Variants in SDHA observed in about 807,000 individuals in gnomAD.
SDHA encodes succinate dehydrogenase [ubiquinone] flavoprotein subunit, mitochondrial.
In SDHA, 48 loss-of-function variants were observed where a neutral mutation model predicts 78.4. The observed-to-expected ratio is 0.61, with a 90% CI of 0.49 to 0.78. SDHA has a LOEUF of 0.78. Ranked by LOEUF, SDHA falls within the 30% of genes least tolerant of loss-of-function variation. The pLI is 0.00. For missense variants in SDHA, 680 were observed against 892.7 expected, an observed-to-expected ratio of 0.76 and a Z score of 3.04; for synonymous variants, 326 against 353.9, an observed-to-expected ratio of 0.92 and a Z score of 0.88.
At chr5:236,027 C>T (rs6873678) in intron 9 of SDHA, 46,661 of 285,748 alleles carry the variant, frequency 0.16, 7,202 homozygotes, top group African/African-American at 0.52. Flanking sequence ...TTACTTCCCT[C>T]TCTTTTTTTT....
the SDHA span, among the ~76,000 whole-genome samples, chr5:268,242 G>A: frequency 1.3e-5 from 2 of 151,388 alleles, no homozygotes; most frequent in African/African-American, 4.9e-5. Context: ...GGAGTGCCTG[G>A]TGCAATCTCG....
At chr5:219,481 T>C (rs1032227266) in intron 1 of SDHA, among the ~76,000 whole-genome samples, 2 of 152,250 alleles carry the variant, frequency 1.3e-5, no homozygotes, top group African/African-American at 2.4e-5. Flanking sequence ...TTGATTTGAA[T>C]TATGCCTGTA....
At chr5:266,193 C>A in the SDHA span, among the ~76,000 whole-genome samples, 37 of 152,352 alleles carry the variant, frequency 2.4e-4, 1 homozygote, top group South Asian at 7.2e-3. Context: ...CAGGTGGCAA[C>A]CTCAGGCAGC....
At chr5:247,440 T>C (rs1401107231) in intron 11 of SDHA, among the ~76,000 whole-genome samples, 1 of 152,250 alleles carries the variant, frequency 6.6e-6, no homozygotes, top group Admixed American at 6.5e-5. Context: ...TACTGCAATA[T>C]CTAATGCTAG....
At chr5:228,725 A>G (rs1213012886) in intron 6 of SDHA, among the ~76,000 whole-genome samples, 1 of 152,360 alleles carries the variant, frequency 6.6e-6, no homozygotes, top group East Asian at 1.9e-4. Context: ...CCACATGATG[A>G]AAATAAGTAA....
chr5:229,958 A>G (rs1373416332), intron 6 of SDHA, among the ~76,000 whole-genome samples: 2 of 149,834 alleles, frequency 1.3e-5, no homozygotes, highest in African/African-American at 5.1e-5. Context: ...CATGGTGGCT[A>G]TCGTTAATAT....
At position 249,158 on chromosome 5, in the gene SDHA, A is replaced by G. The variant is rs540297985; in HGVS notation, c.1552-1834A>G. On this transcript the variant is annotated intron_variant, in intron 11 of 14. Coordinates refer to ENST00000264932, the MANE Select transcript of SDHA (RefSeq NM_004168.4). Reference sequence around the variant, plus strand: ...ACAGATTAGCAGCTGGTAATCCATTAAAATGGATAAAAACACTTGGAAGCT... The same window carrying G: ...ACAGATTAGCAGCTGGTAATCCATTGAAATGGATAAAAACACTTGGAAGCT... 3.4e-5 allele frequency: 13 copies of G among 383,580 alleles called. 1 individual carries two copies. Among genetic ancestry groups the G allele is most frequent in the South Asian group, 2.5e-4 (13 of 52,818 alleles). The allele number at this position is 383,580 out of a possible 1,614,324, so 23.8% of individuals were successfully genotyped here.
At chr5:247,271 A>G (rs1189246011) in intron 11 of SDHA, among the ~76,000 whole-genome samples, 1 of 152,246 alleles carries the variant, frequency 6.6e-6, no homozygotes, top group East Asian at 1.9e-4. Flanking sequence ...ATGCTGAGTT[A>G]CGATTTCATA....
At chr5:248,618 C>T (rs978557986) in intron 11 of SDHA, among the ~76,000 whole-genome samples, 25 of 152,020 alleles carry the variant, frequency 1.6e-4, no homozygotes, top group African/African-American at 5.3e-4. Flanking sequence ...TGAGGCATAC[C>T]GCCCTCAAAA....
chr5:238,216 G>T (rs572031231), intron 10 of SDHA, among the ~76,000 whole-genome samples: 2 of 152,194 alleles, frequency 1.3e-5, no homozygotes, highest in South Asian at 4.1e-4. Flanking sequence ...GGGAAGACAA[G>T]GGATTGGTGG....
intron 7 of SDHA, 112 bp from the exon 8 acceptor site, chr5:233,365 C>A: frequency 1.8e-6 from 2 of 1,129,276 alleles, no homozygotes; most frequent in Non-Finnish European, 2.7e-6. Flanking sequence ...GCACATAATG[C>A]CTTCTGCTTA....
chr5:256,291 G>A (rs1268418227), intron 14 of SDHA, 43 bp from the exon 15 acceptor site: 5 of 1,439,792 alleles, frequency 3.5e-6, no homozygotes, highest in Non-Finnish European at 2.9e-6. Context: ...ATGGCTTTTT[G>A]TACATTTTTG....
At chr5:223,794 GATTTAA>G (rs3217327) in intron 2 of SDHA, among the ~76,000 whole-genome samples, 36,482 of 152,006 alleles carry the variant, frequency 0.24, 6,814 homozygotes, top group African/African-American at 0.52. Flanking sequence ...CTATAAACTA[GATTTAA>G]ATTTAGATCA....
At chr5:218,551 C>T (rs2126523668) in intron 1 of SDHA, 133 bp downstream of exon 1, 2 of 685,768 alleles carry the variant, frequency 2.9e-6, no homozygotes, top group South Asian at 3.5e-5. Context: ...CGGGAAGGGG[C>T]TGAGAGAGCC....
chr5:229,490 C>T (rs762894700), intron 6 of SDHA, among the ~76,000 whole-genome samples: 9 of 152,146 alleles, frequency 5.9e-5, no homozygotes, highest in East Asian at 5.8e-4. Context: ...TTAAGTGAAA[C>T]GAGCCAGGCA....
chr5:254,670 G>A (rs1737066759), intron 14 of SDHA, among the ~76,000 whole-genome samples, 164 bp downstream of exon 14: 1 of 152,198 alleles, frequency 6.6e-6, no homozygotes, highest in African/African-American at 2.4e-5. Flanking sequence ...CAGCAGTCGG[G>A]CTTCGGGCTG....
At chr5:220,719 G>T (rs1242116422) in intron 1 of SDHA, among the ~76,000 whole-genome samples, 1 of 152,054 alleles carries the variant, frequency 6.6e-6, no homozygotes, top group African/African-American at 2.4e-5. Context: ...TTTCCGTGGG[G>T]TTAGTGAGGA....
At chr5:218,464 C>G (rs2126523253) in intron 1 of SDHA, 46 bp downstream of exon 1, 1 of 1,325,442 alleles carries the variant, frequency 7.5e-7, no homozygotes, top group Non-Finnish European at 9.7e-7. Context: ...GGGGCCGAGG[C>G]GGCGGTAGGA....
chr5:235,460 ATTG>A, intron 9 of SDHA, 121 bp downstream of exon 9: 1 of 994,562 alleles, frequency 1.0e-6, no homozygotes, highest in South Asian at 1.4e-5. Flanking sequence ...AAAGTACTGT[ATTG>A]TTTTCTAGAT....
Sources: gnomAD v4.1 joint callset for allele counts (sites outside exome capture counted in the v4.1 genomes callset) on GRCh38, gnomAD v4.1.1 for gene constraint, MANE v1.5 for transcripts, NCBI Gene and HGNC (gene_info 2026-07-23, HGNC 2026-07-21) for gene names.